The following VAC14 variants were observed in gnomAD, a reference collection of about 807,000 sequenced individuals.
VAC14 encodes the protein protein VAC14 homolog.
VAC14 carries 47 observed loss-of-function variants against 85.3 expected under a neutral mutation model. The observed-to-expected ratio is 0.55, with a 90% confidence interval of 0.44 to 0.70. The LOEUF is 0.70. VAC14 is among the 30% of genes least tolerant of loss of function. The probability of loss-of-function intolerance (pLI) is 0.00; values close to 1 mark genes in which losing one functional copy is unlikely to be tolerated. For missense variants in VAC14, 861 were observed against 1,004.3 expected (o/e 0.86, Z 1.93); for synonymous variants, 447 against 430.5 (o/e 1.04, Z -0.47).
intron 14 of VAC14, among the ~76,000 whole-genome samples, chr16:70,707,620 A>G (rs994073389): frequency 2.0e-4 from 31 of 152,084 alleles, no homozygotes; most frequent in African/African-American, 6.0e-4. Context: ...TCAGCCCCCC[A>G]GGATTAGCAG....
At chr16:70,709,114 AG>A (rs1408919507) in intron 14 of VAC14, among the ~76,000 whole-genome samples, 1 of 152,220 alleles carries the variant, frequency 6.6e-6, no homozygotes, top group Non-Finnish European at 1.5e-5. Flanking sequence ...ACAGTACATT[AG>A]GAACATCGTG....
chr16:70,784,433 G>T (rs564783040), intron 4 of VAC14, among the ~76,000 whole-genome samples: 1 of 152,142 alleles, frequency 6.6e-6, no homozygotes, highest in South Asian at 2.1e-4. Context: ...AAGCAAAGTC[G>T]AGAGAACCAA....
intron 1 of VAC14, among the ~76,000 whole-genome samples, chr16:70,794,452 G>T (rs1038873281): frequency 6.6e-6 from 1 of 151,146 alleles, no homozygotes; most frequent in Non-Finnish European, 1.5e-5. Context: ...TTTAAAATAA[G>T]AAAACTGAGG....
intron 13 of VAC14, among the ~76,000 whole-genome samples, chr16:70,739,673 C>G (rs1164691066): frequency 6.6e-6 from 1 of 152,158 alleles, no homozygotes; most frequent in Non-Finnish European, 1.5e-5. Flanking sequence ...AAAGCCAGCA[C>G]GCGTGAGTGC....
chr16:70,783,507 C>G lies in VAC14; in HGVS notation c.642G>C (p.Leu214=). 6.2e-7 allele frequency: 1 copy of G among 1,614,088 alleles called. No homozygotes were observed. Among genetic ancestry groups the G allele is most frequent in the South Asian group, 1.1e-5 (1 of 91,088 alleles). The change falls in exon 6 of 19, where the codon CTG becomes CTC. Residue 214 remains leucine (L), a synonymous_variant. Coordinates refer to ENST00000261776, the MANE Select transcript of VAC14 (RefSeq NM_018052.5). Reference sequence around the variant, plus strand: ...GGAAGAGTCCATCCAGGATCTCCGGCAGGTAATCCAGCAGGTTAATGTCTG... The same window carrying G: ...GGAAGAGTCCATCCAGGATCTCCGGGAGGTAATCCAGCAGGTTAATGTCTG... The part of the protein sequence containing the change: ...SVPDINLLDY[L]PEILDGLFQI...
chr16:70,732,372 A>G (rs1009949856), intron 13 of VAC14, among the ~76,000 whole-genome samples: 2 of 152,210 alleles, frequency 1.3e-5, no homozygotes, highest in African/African-American at 2.4e-5. Context: ...AATGTCTCTG[A>G]CGCGTGTCCC....
chr16:70,791,769 C>A (rs867732680), intron 1 of VAC14, among the ~76,000 whole-genome samples: 2 of 152,210 alleles, frequency 1.3e-5, no homozygotes, highest in Non-Finnish European at 2.9e-5. Context: ...GAGTTCAGAA[C>A]TTTGAGTGCA....
At chr16:70,688,317 T>C (rs981562596) in intron 18 of VAC14, 27 of 1,193,910 alleles carry the variant, frequency 2.3e-5, no homozygotes, top group Admixed American at 4.5e-5. Flanking sequence ...GCTGCTTGGC[T>C]ATTGCCCTCG....
At chr16:70,721,557 G>A (rs978698966) in intron 14 of VAC14, among the ~76,000 whole-genome samples, 2 of 152,168 alleles carry the variant, frequency 1.3e-5, no homozygotes, top group Non-Finnish European at 2.9e-5. Flanking sequence ...CCCTGGGTAG[G>A]ATGGCGACCC....
intron 12 of VAC14, among the ~76,000 whole-genome samples, chr16:70,760,621 G>A (rs1272439976): frequency 1.3e-5 from 2 of 152,100 alleles, no homozygotes; most frequent in Non-Finnish European, 2.9e-5. Flanking sequence ...CCAAAACCCT[G>A]ACAACATTTG....
At chr16:70,688,600 G>A (rs2142978871) in intron 18 of VAC14, 1 of 985,606 alleles carries the variant, frequency 1.0e-6, no homozygotes, top group South Asian at 4.7e-5. Context: ...GGGGCCCCAA[G>A]GCCTGCAGTC....
intron 9 of VAC14, among the ~76,000 whole-genome samples, chr16:70,774,671 T>C (rs1235073528): frequency 6.6e-6 from 1 of 152,000 alleles, no homozygotes; most frequent in Non-Finnish European, 1.5e-5. Context: ...CTGTCTCCCC[T>C]TTTCCTCCAT....
chr16:70,691,282 G>C, intron 18 of VAC14: 1 of 985,432 alleles, frequency 1.0e-6, no homozygotes, highest in Non-Finnish European at 1.2e-6. Context: ...AGGACTCCCA[G>C]GAAGGCAGGC....
At chr16:70,752,315 C>G (rs1441677009) in intron 12 of VAC14, among the ~76,000 whole-genome samples, 1 of 152,244 alleles carries the variant, frequency 6.6e-6, no homozygotes, top group African/African-American at 2.4e-5. Flanking sequence ...GCGGCCATTC[C>G]TCTTAGGGTA....
Position 70,688,844 on chromosome 16 carries a change from C to T in VAC14, c.2187-754G>A, listed in dbSNP as rs1485389110. On this transcript the variant is annotated intron_variant, in intron 18 of 18. Coordinates refer to ENST00000261776, the MANE Select transcript of VAC14 (RefSeq NM_018052.5). ...GATGAGATCCCCTTGGGCTCCTGTC[C>T]TGTTCCTACTCACCCTCCAGCAGTG... is the stretch of plus-strand genomic sequence containing the variant. 4 of 985,522 alleles carry T rather than the reference C, an allele frequency of 4.1e-6. No homozygotes were observed. In the East Asian group the frequency reaches 3.4e-4, roughly 84 times the overall value. 61.0% of individuals were successfully genotyped at this position (985,522 alleles called of 1,614,324 possible).
chr16:70,704,728 C>A (rs1321767150), intron 14 of VAC14, among the ~76,000 whole-genome samples: 1 of 152,222 alleles, frequency 6.6e-6, no homozygotes. Flanking sequence ...CTAGGGACAG[C>A]CGGAGCCCGC....
chr16:70,744,700 G>A, intron 12 of VAC14, 121 bp from the exon 13 acceptor site: 3 of 1,274,030 alleles, frequency 2.4e-6, no homozygotes, highest in African/African-American at 3.0e-5. Flanking sequence ...GCAGATGACA[G>A]CAGGCTGGGA....
In VAC14 at chr16:70,744,584, G is replaced by A. The variant is rs376979509; in HGVS notation, c.1372-5C>T. 27 of 1,587,574 alleles carry A rather than the reference G, an allele frequency of 1.7e-5. No individual in the cohort carries two copies. In the Middle Eastern group the frequency reaches 1.1e-3, roughly 62 times the overall value. ...CTCCAGGTCCTTCAGGATCACCTGG[G>A]GAGAGAAGCGGGGCAGGAGGGATGA... On this transcript the variant is annotated splice_polypyrimidine_tract_variant and splice_region_variant and intron_variant, in intron 12 of 18. Coordinates refer to ENST00000261776, the MANE Select transcript of VAC14 (RefSeq NM_018052.5).
intron 14 of VAC14, among the ~76,000 whole-genome samples, chr16:70,725,241 C>T (rs563154969): frequency 2.6e-5 from 4 of 152,218 alleles, no homozygotes; most frequent in Non-Finnish European, 4.4e-5. Context: ...CAAATGGACT[C>T]GAGATTCGGC....
Sources: gnomAD v4.1 joint callset for allele counts (sites outside exome capture counted in the v4.1 genomes callset) on GRCh38, gnomAD v4.1.1 for gene constraint, MANE v1.5 for transcripts, NCBI Gene and HGNC (gene_info 2026-07-23, HGNC 2026-07-21) for gene names.